Variants in REDIC1 observed in about 807,000 individuals in gnomAD.
REDIC1 encodes HEI10 Interacting Protein 1.
chr12:39,792,339 CA>C, the REDIC1 span, among the ~76,000 whole-genome samples: 1 of 151,028 alleles, frequency 6.6e-6, no homozygotes, highest in African/African-American at 2.4e-5. Flanking sequence ...TCCAAAACAC[CA>C]AAAGCAATGG....
the REDIC1 span, among the ~76,000 whole-genome samples, chr12:39,712,557 GTGTATATA>G: frequency 7.1e-6 from 1 of 139,966 alleles, no homozygotes; most frequent in South Asian, 2.1e-4. Context: ...CACGACATAT[GTGTATATA>G]CGTATATACG....
At chr12:39,764,719 A>G in the REDIC1 span, 2 of 1,610,668 alleles carry the variant, frequency 1.2e-6, no homozygotes, top group Non-Finnish European at 8.5e-7. Context: ...GCAACAGTAT[A>G]ACAAAGTCTT....
At chr12:39,695,709 C>T in the REDIC1 span, among the ~76,000 whole-genome samples, 1 of 152,188 alleles carries the variant, frequency 6.6e-6, no homozygotes, top group African/African-American at 2.4e-5. Flanking sequence ...ACAGGCCTGG[C>T]TAGCTTTGCC....
At chr12:39,743,580 G>C in the REDIC1 span, among the ~76,000 whole-genome samples, 14 of 152,162 alleles carry the variant, frequency 9.2e-5, no homozygotes, top group Non-Finnish European at 1.9e-4. Context: ...CACTAGAAAG[G>C]CTGTAATTGA....
At chr12:39,786,820 T>C in the REDIC1 span, among the ~76,000 whole-genome samples, 5 of 152,194 alleles carry the variant, frequency 3.3e-5, no homozygotes, top group Non-Finnish European at 5.9e-5. Context: ...GTGCAATGAC[T>C]GTTTCCTCTG....
At chr12:39,864,189 T>C in the REDIC1 span, among the ~76,000 whole-genome samples, 1 of 152,230 alleles carries the variant, frequency 6.6e-6, no homozygotes, top group African/African-American at 2.4e-5. Context: ...GTGTACACTG[T>C]TAGATTTAAT....
chr12:39,768,980 C>T, the REDIC1 span, among the ~76,000 whole-genome samples: 3 of 152,084 alleles, frequency 2.0e-5, no homozygotes, highest in African/African-American at 7.2e-5. Context: ...CATTCTTCCT[C>T]TATTTTTGTC....
At chr12:39,770,354 C>T in the REDIC1 span, among the ~76,000 whole-genome samples, 31 of 152,088 alleles carry the variant, frequency 2.0e-4, no homozygotes. Flanking sequence ...AATATGACTA[C>T]AACGAAATGA....
At chr12:39,709,533 A>C in the REDIC1 span, among the ~76,000 whole-genome samples, 1 of 146,928 alleles carries the variant, frequency 6.8e-6, no homozygotes, top group African/African-American at 2.5e-5. Context: ...CCTGGCCATT[A>C]CCATTTTACC....
chr12:39,713,538 A>G, the REDIC1 span, among the ~76,000 whole-genome samples: 568 of 149,526 alleles, frequency 3.8e-3, 4 homozygotes, highest in African/African-American at 0.013. Flanking sequence ...GTACACGTAC[A>G]TACGTATACA....
the REDIC1 span, among the ~76,000 whole-genome samples, chr12:39,685,276 C>T: frequency 6.6e-6 from 1 of 152,126 alleles, no homozygotes; most frequent in Non-Finnish European, 1.5e-5. Flanking sequence ...TTGGTTGGCT[C>T]ATGGTTCTGC....
At chr12:39,746,276 C>G in the REDIC1 span, among the ~76,000 whole-genome samples, 1 of 152,202 alleles carries the variant, frequency 6.6e-6, no homozygotes, top group South Asian at 2.1e-4. Context: ...AAATGGCACA[C>G]CAGGAGATTA....
the REDIC1 span, among the ~76,000 whole-genome samples, chr12:39,875,066 T>C: frequency 4.3e-4 from 65 of 152,294 alleles, no homozygotes; most frequent in African/African-American, 1.4e-3. Flanking sequence ...CTGGTAAATA[T>C]ATTAGTTTGT....
chr12:39,793,037 G>A, the REDIC1 span, among the ~76,000 whole-genome samples: 2 of 152,050 alleles, frequency 1.3e-5, no homozygotes, highest in Non-Finnish European at 2.9e-5. Context: ...GGGTCATAAA[G>A]ATATAAAACT....
chr12:39,649,880 T>C, the REDIC1 span, among the ~76,000 whole-genome samples: 1 of 151,972 alleles, frequency 6.6e-6, no homozygotes, highest in African/African-American at 2.4e-5. Context: ...TATAGCTCTT[T>C]TATTGGGACA....
the REDIC1 span, among the ~76,000 whole-genome samples, chr12:39,812,362 CT>C: frequency 1.4e-4 from 20 of 145,768 alleles, no homozygotes; most frequent in South Asian, 4.4e-4. Flanking sequence ...CTTTTCTTTT[CT>C]TTTCTTTTCT....
chr12:39,635,558 C>T, the REDIC1 span, among the ~76,000 whole-genome samples: 9 of 151,702 alleles, frequency 5.9e-5, no homozygotes, highest in Admixed American at 5.3e-4. Context: ...AAACCAAACA[C>T]CACATGTTCT....
the REDIC1 span, chr12:39,682,533 T>C: frequency 8.9e-7 from 1 of 1,125,944 alleles, no homozygotes; most frequent in Non-Finnish European, 1.2e-6. Context: ...ATATGTCCTC[T>C]AAGAATTGAA....
At chr12:39,839,911 T>C in the REDIC1 span, among the ~76,000 whole-genome samples, 1 of 152,148 alleles carries the variant, frequency 6.6e-6, no homozygotes. Context: ...ATTGTTCCTT[T>C]TGTGTCTCCC....
Sources: allele counts gnomAD v4.1 joint callset (sites outside exome capture counted in the v4.1 genomes callset), GRCh38; gene constraint gnomAD v4.1.1; transcripts MANE v1.5; gene names NCBI Gene and HGNC (gene_info 2026-07-23, HGNC 2026-07-21).